DDX60: variants seen among roughly 807,000 people sequenced by gnomAD.
The protein encoded by DDX60 is probable ATP-dependent RNA helicase DDX60.
A neutral mutation model predicts 212.8 loss-of-function variants in DDX60; 165 were observed. The observed-to-expected ratio is 0.78, with a 90% CI of 0.68 to 0.88. The LOEUF (loss-of-function observed/expected upper bound fraction) is 0.88, where lower values mean the gene tolerates loss of function less well. Among genes scored for constraint, DDX60 ranks in the 40% least tolerant of loss-of-function variants. The pLI is 0.00. For synonymous variants in DDX60, 703 were observed against 685.3 expected, an observed-to-expected ratio of 1.03 and a Z score of -0.40; for missense variants, 1,905 against 2,003.9, an observed-to-expected ratio of 0.95 and a Z score of 0.94.
Position 168,306,595 on chromosome 4 carries a change from C to G in DDX60, c.390G>C (p.Glu130Asp), listed in dbSNP as rs139322457. The change falls in exon 5 of 38, where the codon GAG becomes GAC. Residue 130 changes from glutamate to aspartate, a missense_variant. Physicochemically the swap from Glu to Asp is conservative, Grantham distance 45 (BLOSUM62 2). Coordinates refer to ENST00000393743, the MANE Select transcript of DDX60 (RefSeq NM_017631.6). ...AACTCTCTTCCAAGAAACTTCCCCA[C>G]TCTTTTGATAAGCATCTCGAAAATG... ...RTTFSRCLSKEWGSFLEESYP... is the reference protein window; with the variant it reads ...RTTFSRCLSKDWGSFLEESYP... 3 of 1,614,046 alleles carry G rather than the reference C, an allele frequency of 1.9e-6. No homozygotes were observed. The Admixed American group carries it at 5.0e-5, about 27-fold the overall frequency.
At chr4:168,322,107 T>C (rs1737620706), upstream of DDX60, among the ~76,000 whole-genome samples, 1 of 152,198 alleles carries the variant, frequency 6.6e-6, no homozygotes, top group Non-Finnish European at 1.5e-5. Flanking sequence ...GAGGATCCAC[T>C]AATTGACAAA....
chr4:168,238,013 A>G (rs1733690656), intron 30 of DDX60, among the ~76,000 whole-genome samples: 1 of 152,048 alleles, frequency 6.6e-6, no homozygotes, highest in Non-Finnish European at 1.5e-5. Flanking sequence ...ACGTATTGCC[A>G]AACAGTCTGA....
In DDX60 at chr4:168,275,429, C is replaced by T; in HGVS notation, c.2220G>A (p.Leu740=). The part of the protein sequence containing the change: ...SVGIGPARFQ[L]QYMGHYLIRD... ...GTATCAAATAATGGCCCATGTATTG[C>T]AGTTGGAACCGAGCTGGCCCAATGC... Residue 740 remains leucine (L), a synonymous_variant, in exon 16 of 38, where the codon CTG becomes CTA. Transcript: ENST00000393743. 4 of 1,612,988 alleles carry T rather than the reference C, an allele frequency of 2.5e-6. No individual in the cohort carries two copies. The South Asian group carries it at 3.3e-5, about 13-fold the overall frequency.
chr4:168,284,202 C>A (rs1444224985), intron 12 of DDX60, among the ~76,000 whole-genome samples: 1 of 152,204 alleles, frequency 6.6e-6, no homozygotes, highest in Non-Finnish European at 1.5e-5. Flanking sequence ...AATGGTTCAT[C>A]TAAAGTATCC....
chr4:168,314,707 C>G (rs543239055), intron 1 of DDX60, among the ~76,000 whole-genome samples: 1 of 152,052 alleles, frequency 6.6e-6, no homozygotes, highest in East Asian at 1.9e-4. Flanking sequence ...ACTAAAATAT[C>G]CAGGAATAAG....
chr4:168,293,740 A>T, intron 7 of DDX60, 47 bp downstream of exon 7: 2 of 1,465,908 alleles, frequency 1.4e-6, no homozygotes, highest in East Asian at 4.6e-5. Flanking sequence ...CAAAATTTCA[A>T]ATGTGGAGAG....
intron 6 of DDX60, among the ~76,000 whole-genome samples, chr4:168,299,938 CT>C (rs1022572813): frequency 6.6e-6 from 1 of 152,120 alleles, no homozygotes; most frequent in Non-Finnish European, 1.5e-5. Context: ...ACATTCTAAT[CT>C]TTTTTATGAA....
intron 20 of DDX60, 151 bp downstream of exon 20, chr4:168,268,703 G>A (rs1734956854): frequency 4.3e-6 from 2 of 464,884 alleles, no homozygotes; most frequent in African/African-American, 2.0e-5. Context: ...CGGCCAGGAG[G>A]TGTAGAGAGA....
chr4:168,295,830 A>G (rs925605447), intron 6 of DDX60, among the ~76,000 whole-genome samples: 3 of 152,190 alleles, frequency 2.0e-5, no homozygotes, highest in African/African-American at 7.2e-5. Flanking sequence ...GAGCATTTAA[A>G]ACGGGGGGAA....
intron 22 of DDX60, among the ~76,000 whole-genome samples, chr4:168,265,048 G>A (rs1475442055): frequency 6.6e-6 from 1 of 152,142 alleles, no homozygotes; most frequent in Non-Finnish European, 1.5e-5. Context: ...AGGACTTCCT[G>A]GGGCTGATAG....
intron 18 of DDX60, 116 bp from the exon 19 acceptor site, chr4:168,272,254 C>T (rs1014099465): frequency 1.3e-6 from 1 of 741,912 alleles, no homozygotes; most frequent in South Asian, 2.1e-5. Flanking sequence ...TGATAATTGG[C>T]ATATAACATT....
At position 168,216,985 on chromosome 4, in the gene DDX60, A is replaced by G. The variant is rs867643981; in HGVS notation, c.5087T>C (p.Leu1696Ser). Residue 1696 changes from leucine (L) to serine (S), a missense_variant, in exon 38 of 38, where the codon TTA becomes TCA. Transcript: ENST00000393743. ...LCENEDDNVV[L>S]AFEQLSTTFW... ...AGTTGTACTCAGTTGTTCAAAGGCTAAGACAACGTTGTCGTCTTCATTTTC... is the reference window on the plus strand; with the variant it reads ...AGTTGTACTCAGTTGTTCAAAGGCTGAGACAACGTTGTCGTCTTCATTTTC... 2.5e-6 allele frequency: 4 copies of G among 1,605,900 alleles called. No homozygotes were observed. The Middle Eastern group carries it at 6.6e-4, about 267-fold the overall frequency.
intron 37 of DDX60, among the ~76,000 whole-genome samples, chr4:168,220,076 T>C (rs1454385352): frequency 1.3e-5 from 2 of 151,838 alleles, no homozygotes; most frequent in Non-Finnish European, 1.5e-5. Flanking sequence ...GACATGCAAC[T>C]AAGCAACAGT....
intron 14 of DDX60, among the ~76,000 whole-genome samples, chr4:168,277,008 T>C (rs1303362042): frequency 6.6e-6 from 1 of 152,210 alleles, no homozygotes; most frequent in African/African-American, 2.4e-5. Flanking sequence ...ATGTGTTAAA[T>C]GGATCAAAGT....
intron 14 of DDX60, among the ~76,000 whole-genome samples, chr4:168,276,644 C>A (rs1198718137): frequency 6.6e-6 from 1 of 152,190 alleles, no homozygotes; most frequent in Non-Finnish European, 1.5e-5. Context: ...CCTCTTCCAA[C>A]TGTCACATTC....
chr4:168,308,109 A>G lies in DDX60; in HGVS notation c.161T>C (p.Ile54Thr). 6.2e-7 allele frequency: 1 copy of G among 1,609,904 alleles called. No homozygotes were observed. Among genetic ancestry groups the G allele is most frequent in the Non-Finnish European group, 8.5e-7 (1 of 1,177,244 alleles). The change falls in exon 4 of 38, where the codon ATA (isoleucine) becomes ACA (threonine). Residue 54 changes from isoleucine (I) to threonine (T), a missense_variant. Physicochemically the swap from Ile to Thr is moderately conservative, Grantham distance 89. Coordinates refer to ENST00000393743, the MANE Select transcript of DDX60 (RefSeq NM_017631.6). ...GAGGTTCTGCCCAGGCTTAAATGAT[A>G]TCTCACAGATACATGTGATAAGTAA... is the stretch of plus-strand genomic sequence containing the variant. The part of the protein sequence containing the change: ...DSLLITCICE[I>T]SFKPGQNLHF...
At chr4:168,278,135 T>C (rs563130324) in intron 14 of DDX60, among the ~76,000 whole-genome samples, 1 of 152,186 alleles carries the variant, frequency 6.6e-6, no homozygotes, top group Non-Finnish European at 1.5e-5. Flanking sequence ...AAAGAAGCCA[T>C]AAAGTGCTTT....
intron 27 of DDX60, 128 bp from the exon 28 acceptor site, chr4:168,251,234 C>T: frequency 1.2e-6 from 1 of 809,002 alleles, no homozygotes. Context: ...ACTGACTCTA[C>T]ATGAATACAA....
At chr4:168,240,681 A>G (rs1422531813) in intron 30 of DDX60, among the ~76,000 whole-genome samples, 2 of 152,212 alleles carry the variant, frequency 1.3e-5, no homozygotes, top group African/African-American at 2.4e-5. Flanking sequence ...AACAAAAACA[A>G]GCAATGGGGA....
Sources: gnomAD v4.1 joint callset for allele counts (sites outside exome capture counted in the v4.1 genomes callset) on GRCh38, gnomAD v4.1.1 for gene constraint, MANE v1.5 for transcripts, NCBI Gene and HGNC (gene_info 2026-07-23, HGNC 2026-07-21) for gene names.